INO80D: variants seen among roughly 807,000 people sequenced by gnomAD.
INO80D encodes INO80 complex subunit D.
A neutral mutation model predicts 87.6 loss-of-function variants in INO80D; 21 were observed. The observed-to-expected ratio is 0.24, with a 90% CI of 0.17 to 0.35. INO80D has a LOEUF of 0.35. Ranked by LOEUF, INO80D falls within the 10% of genes least tolerant of loss-of-function variation. The pLI is 1.00. For synonymous variants in INO80D, 440 were observed against 491.0 expected, an observed-to-expected ratio of 0.90 and a Z score of 1.37; for missense variants, 982 against 1,280.7, an observed-to-expected ratio of 0.77 and a Z score of 3.56.
intron 3 of INO80D, among the ~76,000 whole-genome samples, chr2:206,057,607 A>G (rs1689559604): frequency 1.3e-5 from 2 of 152,258 alleles, no homozygotes; most frequent in Admixed American, 6.5e-5. Flanking sequence ...CTTTACAGAA[A>G]TTGATGAACT....
rs1689709219 is a variant in INO80D at position 206,062,282 on chromosome 2, G to GT, written c.218+516dup. On this transcript the variant is annotated intron_variant, in intron 3 of 10. Coordinates refer to ENST00000403263, the MANE Select transcript of INO80D (RefSeq NM_017759.5). This position sits in a 1 kb window ranked among gnomAD's most constrained non-coding sequence, Gnocchi z 4.6. ...GAAATAAATCTAACTGATTCAAGTA[G>GT]TTTTTTAAAATTTTCTTCAGTAAGT... Among the ~76,000 whole-genome samples, 1 of 152,118 alleles carries GT rather than the reference G, an allele frequency of 6.6e-6. No homozygotes were observed. Among genetic ancestry groups the GT allele is most frequent in the Non-Finnish European group, 1.5e-5 (1 of 68,008 alleles).
chr2:206,041,896 A>G (rs1041056471), intron 5 of INO80D, among the ~76,000 whole-genome samples: 17 of 152,116 alleles, frequency 1.1e-4, no homozygotes, highest in Non-Finnish European at 2.1e-4. Flanking sequence ...GTCTGTAATC[A>G]TAGCACTTTG....
At chr2:206,070,152 TG>T (rs1689923345) in intron 1 of INO80D, among the ~76,000 whole-genome samples, 1 of 152,128 alleles carries the variant, frequency 6.6e-6, no homozygotes, top group East Asian at 1.9e-4. Context: ...GGCTCACGCC[TG>T]TAATCCCAGC....
chr2:206,048,198 A>G (rs1203782969), intron 4 of INO80D, among the ~76,000 whole-genome samples: 1 of 151,964 alleles, frequency 6.6e-6, no homozygotes, highest in Non-Finnish European at 1.5e-5. Context: ...TTTGTGCTCC[A>G]TTATCTAAAA....
chr2:206,065,500 C>T (rs541765625), intron 1 of INO80D, among the ~76,000 whole-genome samples: 20 of 151,908 alleles, frequency 1.3e-4, no homozygotes, highest in Admixed American at 1.2e-3. Context: ...AAAAAAAGAT[C>T]TGAAAAGTAC....
At chr2:206,039,125 C>A (rs1345747737) in intron 5 of INO80D, among the ~76,000 whole-genome samples, 2 of 152,158 alleles carry the variant, frequency 1.3e-5, no homozygotes, top group African/African-American at 4.8e-5. Context: ...GGGCTGGGGG[C>A]GGTACCTCAC....
chr2:206,010,490 G>A (rs1002358926), intron 8 of INO80D, among the ~76,000 whole-genome samples: 25 of 152,152 alleles, frequency 1.6e-4, no homozygotes, highest in African/African-American at 5.8e-4. Context: ...AGAAAGTACC[G>A]CATCACTGGC....
chr2:206,072,891 A>G (rs1287375812), intron 1 of INO80D, among the ~76,000 whole-genome samples: 22 of 149,828 alleles, frequency 1.5e-4, no homozygotes, highest in Non-Finnish European at 3.0e-4. Context: ...TGTCAAGGCT[A>G]GAGTGTACAG....
At chr2:206,045,032 A>G (rs992616392) in intron 5 of INO80D, among the ~76,000 whole-genome samples, 1 of 152,218 alleles carries the variant, frequency 6.6e-6, no homozygotes, top group Non-Finnish European at 1.5e-5. Flanking sequence ...ACATTCTCCA[A>G]TACTATCTAG....
rs1488631824 is a variant in INO80D at position 206,086,110 on chromosome 2, G to GATA, written c.-334_-333insTAT. On this transcript the variant is annotated 5_prime_UTR_variant, in exon 1 of 11. Transcript: ENST00000403263. The stretch of plus-strand genomic sequence containing the variant: ...ACTAAAAAGTGCTCCCAGGGTCGGT[G>GATA]ATTATTAAGGGGAAATCCCTGAATA... 1 of 152,216 alleles carries GATA rather than the reference G, an allele frequency of 6.6e-6. No individual in the cohort carries two copies. Among genetic ancestry groups the GATA allele is most frequent in the African/African-American group, 2.4e-5 (1 of 41,448 alleles). 9.4% of individuals were successfully genotyped at this position (152,216 alleles called of 1,614,324 possible).
chr2:206,003,318 T>C lies in INO80D; in HGVS notation c.*1050A>G, dbSNP rs1687937503. 1 of 152,218 alleles carries C rather than the reference T, an allele frequency of 6.6e-6. No individual in the cohort carries two copies. Among genetic ancestry groups the C allele is most frequent in the Non-Finnish European group, 1.5e-5 (1 of 68,034 alleles). The allele number at this position is 152,218 out of a possible 1,614,324, so 9.4% of individuals were successfully genotyped here. On this transcript the variant is annotated 3_prime_UTR_variant, in exon 11 of 11. Coordinates refer to ENST00000403263, the MANE Select transcript of INO80D (RefSeq NM_017759.5). ...AAAAGCAAAAGATGGATCAAGGAGT[T>C]GACAGATCCCATCTTTTCAAATCTA...
At chr2:206,082,029 A>AT (rs539858459) in intron 1 of INO80D, among the ~76,000 whole-genome samples, 7 of 152,004 alleles carry the variant, frequency 4.6e-5, no homozygotes, top group East Asian at 1.9e-4. Context: ...CTCATCTTTT[A>AT]TTTTTTTTGA....
At chr2:206,054,922 AG>A (rs1198903590) in intron 4 of INO80D, among the ~76,000 whole-genome samples, 1 of 152,244 alleles carries the variant, frequency 6.6e-6, no homozygotes, top group East Asian at 1.9e-4. Context: ...ATGAGATTAC[AG>A]GCATAAGCCA....
rs73061913 is a variant in INO80D at position 206,018,486 on chromosome 2, T to G, written c.1409-673A>C. ...TTAAACAGCTCTTAAAAGGAAAATT[T>G]TCTGCCTATGATACTTACCAAGAAT... On this transcript the variant is annotated intron_variant, in intron 7 of 10. Coordinates refer to ENST00000403263, the MANE Select transcript of INO80D (RefSeq NM_017759.5). Among the ~76,000 whole-genome samples, 1,342 of 152,208 alleles carry G rather than the reference T, an allele frequency of 8.8e-3. 15 individuals carry two copies. The highest frequency in any genetic ancestry group is 0.03 in the African/African-American group (1,250 of 41,520).
rs1208926496 is a variant in INO80D at position 205,995,940 on chromosome 2, A to G, written c.*8428T>C. ...CCATTAAAATGTAAATGGTGAAGTT[A>G]TGATTAAACTACAAAGCAAATAAAA... On this transcript the variant is annotated 3_prime_UTR_variant, in exon 11 of 11. Transcript: ENST00000403263. 3 of 152,184 alleles carry G rather than the reference A, an allele frequency of 2.0e-5. No homozygotes were observed. The highest frequency in any genetic ancestry group is 2.1e-4 in the South Asian group (1 of 4,838). The allele number at this position is 152,184 out of a possible 1,614,324, so 9.4% of individuals were successfully genotyped here.
rs924250113 is a variant in INO80D at position 205,999,635 on chromosome 2, G to A, written c.*4733C>T. ...GGCTCCCTAAGTTTGACCCACAACT[G>A]CAGCATTAATGACACTGTTTATTAG... On this transcript the variant is annotated 3_prime_UTR_variant, in exon 11 of 11. Transcript: ENST00000403263. 2.0e-5 allele frequency: 3 copies of A among 152,214 alleles called. No individual in the cohort carries two copies. The East Asian group carries it at 5.8e-4, about 29-fold the overall frequency. 9.4% of individuals were successfully genotyped at this position (152,214 alleles called of 1,614,324 possible). A position where few individuals can be genotyped will look rare whatever the true frequency, so the allele number is the denominator to read the frequency against.
At chr2:206,057,899 TAAA>T (rs112491612) in intron 3 of INO80D, among the ~76,000 whole-genome samples, 1 of 140,152 alleles carries the variant, frequency 7.1e-6, no homozygotes, top group Non-Finnish European at 1.6e-5. Flanking sequence ...GTGGAAAGTT[TAAA>T]AAAAAAAAAA....
intron 8 of INO80D, among the ~76,000 whole-genome samples, chr2:206,013,412 C>T (rs1218416565): frequency 2.0e-5 from 3 of 151,910 alleles, no homozygotes; most frequent in Non-Finnish European, 2.9e-5. Context: ...ATTAGCCAGG[C>T]GTGGTGGCAG....
intron 1 of INO80D, among the ~76,000 whole-genome samples, chr2:206,069,990 T>C (rs1450731364): frequency 6.6e-6 from 1 of 152,136 alleles, no homozygotes; most frequent in Non-Finnish European, 1.5e-5. Flanking sequence ...AAAACATACG[T>C]TGGCCAGGTA....
Sources: gnomAD v4.1 joint callset for allele counts (sites outside exome capture counted in the v4.1 genomes callset) on GRCh38, gnomAD v4.1.1 for gene constraint, Gnocchi (gnomAD v3.1) non-coding constraint, MANE v1.5 for transcripts, NCBI Gene and HGNC (gene_info 2026-07-23, HGNC 2026-07-21) for gene names.